The following GALNT10 variants were observed in gnomAD, a reference collection of about 807,000 sequenced individuals.
GALNT10 encodes GalNAc transferase 10.
GALNT10 carries 41 observed loss-of-function variants against 75.0 expected under a neutral mutation model. The observed-to-expected ratio is 0.55, with a 90% CI of 0.43 to 0.71. The LOEUF is 0.71. Among genes scored for constraint, GALNT10 ranks in the 30% least tolerant of loss-of-function variants. The pLI, the probability that GALNT10 is intolerant of heterozygous loss-of-function variation, is 0.00. For missense variants in GALNT10, 727 were observed against 818.5 expected, an observed-to-expected ratio of 0.89 and a Z score of 1.36; for synonymous variants, 302 against 313.0, an observed-to-expected ratio of 0.96 and a Z score of 0.37.
intron 8 of GALNT10, among the ~76,000 whole-genome samples, chr5:154,404,530 G>A (rs1756232340): frequency 6.6e-6 from 1 of 152,014 alleles, no homozygotes; most frequent in South Asian, 2.1e-4. Context: ...GTGTGACAGA[G>A]GAGACGATCT....
chr5:154,413,038 G>T (rs749081098), intron 10 of GALNT10, 33 bp downstream of exon 10: 1 of 1,386,096 alleles, frequency 7.2e-7, no homozygotes, highest in Non-Finnish European at 1.0e-6. Flanking sequence ...TGGCAGCCAG[G>T]TTCTCTGAAA....
intron 4 of GALNT10, among the ~76,000 whole-genome samples, chr5:154,341,357 A>G (rs1755029646): frequency 6.6e-6 from 1 of 152,232 alleles, no homozygotes; most frequent in Non-Finnish European, 1.5e-5. Context: ...GAATCTCAAA[A>G]TAACCAATAA....
intron 7 of GALNT10, among the ~76,000 whole-genome samples, chr5:154,401,060 G>A (rs923349322): frequency 6.6e-6 from 1 of 152,184 alleles, no homozygotes; most frequent in Non-Finnish European, 1.5e-5. Flanking sequence ...GACATCCCAG[G>A]AATCTGAGGG....
At chr5:154,392,137 G>A (rs977451265) in intron 7 of GALNT10, 5 of 152,326 alleles carry the variant, frequency 3.3e-5, no homozygotes, top group African/African-American at 4.8e-5. Context: ...TTACGGGCCA[G>A]CCCCTCTCTG....
chr5:154,413,625 G>C (rs886927132), intron 10 of GALNT10, among the ~76,000 whole-genome samples: 16 of 152,214 alleles, frequency 1.1e-4, no homozygotes, highest in Non-Finnish European at 1.9e-4. Flanking sequence ...CCTGCAGGAA[G>C]AGCCACTGCT....
At chr5:154,357,037 A>G (rs1755306816) in intron 4 of GALNT10, among the ~76,000 whole-genome samples, 1 of 152,206 alleles carries the variant, frequency 6.6e-6, no homozygotes, top group Non-Finnish European at 1.5e-5. Context: ...TATTTCTTAG[A>G]TACATTCCCG....
chr5:154,190,818 G>C lies in GALNT10; in HGVS notation c.-49G>C, dbSNP rs1448395067. 2.2e-6 allele frequency: 2 copies of C among 927,610 alleles called. No homozygotes were observed. Among genetic ancestry groups the C allele is most frequent in the East Asian group, 1.3e-4 (2 of 15,340 alleles). 57.5% of individuals were successfully genotyped at this position (927,610 alleles called of 1,614,324 possible). On this transcript the variant is annotated 5_prime_UTR_variant, in exon 1 of 12. Coordinates refer to ENST00000297107, the MANE Select transcript of GALNT10 (RefSeq NM_198321.4). ...GCGGACGGGCGGACGCGCGGAGCTG[G>C]GGGCGGCGCGGCGGGGCCGGCGGGG...
At chr5:154,297,412 G>A (rs193063886) in intron 2 of GALNT10, among the ~76,000 whole-genome samples, 279 of 152,218 alleles carry the variant, frequency 1.8e-3, no homozygotes, top group African/African-American at 6.3e-3. Context: ...ATCTTTCCTC[G>A]TGTTTATGAG....
At chr5:154,397,291 G>A (rs139697737) in intron 7 of GALNT10, among the ~76,000 whole-genome samples, 1 of 149,330 alleles carries the variant, frequency 6.7e-6, no homozygotes, top group African/African-American at 2.5e-5. Context: ...ACAATATCTT[G>A]TTGAAAACAA....
At chr5:154,210,724 G>A (rs1775183739) in intron 1 of GALNT10, among the ~76,000 whole-genome samples, 1 of 152,124 alleles carries the variant, frequency 6.6e-6, no homozygotes, top group Non-Finnish European at 1.5e-5. Context: ...AACCATCTTG[G>A]ATTAGATCCT....
intron 4 of GALNT10, among the ~76,000 whole-genome samples, chr5:154,372,061 T>C (rs1236488851): frequency 6.6e-6 from 1 of 152,220 alleles, no homozygotes; most frequent in Non-Finnish European, 1.5e-5. Context: ...TTTAAATATA[T>C]GTTTGCAGTG....
intron 1 of GALNT10, among the ~76,000 whole-genome samples, chr5:154,215,462 C>A (rs535337971): frequency 6.6e-6 from 1 of 152,122 alleles, no homozygotes; most frequent in African/African-American, 2.4e-5. Context: ...CCAGCCTGGG[C>A]GACAGAGCAA....
chr5:154,217,639 A>G (rs1157600367), intron 1 of GALNT10, among the ~76,000 whole-genome samples: 1 of 152,212 alleles, frequency 6.6e-6, no homozygotes, highest in East Asian at 1.9e-4. Flanking sequence ...AGCCAGATGC[A>G]TCCCTCTTCC....
chr5:154,232,873 G>A (rs1197458993), intron 1 of GALNT10, among the ~76,000 whole-genome samples: 2 of 152,172 alleles, frequency 1.3e-5, no homozygotes, highest in African/African-American at 4.8e-5. Flanking sequence ...TTATAGATAT[G>A]TTCTGGATAT....
At chr5:154,293,611 A>ATTTTTTTTTTTTTTTTTTTTTT (rs912343114) in intron 1 of GALNT10, among the ~76,000 whole-genome samples, 91 of 96,740 alleles carry the variant, frequency 9.4e-4, no homozygotes, top group Non-Finnish European at 1.5e-3. Context: ...ATATATATAT[A>ATTTTTTTTTTTTTTTTTTTTTT]TATTTTTTTT....
intron 6 of GALNT10, among the ~76,000 whole-genome samples, chr5:154,381,085 C>T (rs1220056716): frequency 6.6e-6 from 1 of 152,150 alleles, no homozygotes; most frequent in East Asian, 1.9e-4. Flanking sequence ...GTAATTTGCC[C>T]AGGTTACTAG....
intron 1 of GALNT10, among the ~76,000 whole-genome samples, chr5:154,262,340 A>T (rs1225843163): frequency 6.6e-6 from 1 of 152,148 alleles, no homozygotes; most frequent in Non-Finnish European, 1.5e-5. Flanking sequence ...TCAAATCTTC[A>T]TTTCTGTTGG....
intron 4 of GALNT10, among the ~76,000 whole-genome samples, chr5:154,355,869 C>T (rs1755282802): frequency 6.6e-6 from 1 of 152,170 alleles, no homozygotes; most frequent in Non-Finnish European, 1.5e-5. Flanking sequence ...GCTAAGGTCA[C>T]ATGGCAAGTT....
chr5:154,235,279 C>T (rs1753227853), intron 1 of GALNT10, among the ~76,000 whole-genome samples: 1 of 152,172 alleles, frequency 6.6e-6, no homozygotes, highest in African/African-American at 2.4e-5. Context: ...CCTTCTTGGT[C>T]TCAGTGAGCC....
Sources: gnomAD v4.1 joint callset for allele counts (sites outside exome capture counted in the v4.1 genomes callset) on GRCh38, gnomAD v4.1.1 for gene constraint, MANE v1.5 for transcripts, NCBI Gene and HGNC (gene_info 2026-07-23, HGNC 2026-07-21) for gene names.